Variants in ACBD6 observed in about 807,000 individuals in gnomAD.
ACBD6 encodes acyl-CoA binding domain containing 6.
Under a neutral mutation model 37.2 loss-of-function variants are expected in ACBD6, and 28 were observed. That is an observed-to-expected ratio of 0.75 (90% CI 0.56 to 1.03). The LOEUF is 1.03. Ranked by LOEUF, ACBD6 falls within the 50% of genes least tolerant of loss-of-function variation. The probability of loss-of-function intolerance (pLI) is 0.00; values close to 1 mark genes in which losing one functional copy is unlikely to be tolerated. For missense variants in ACBD6, 340 were observed against 337.4 expected (o/e 1.01, Z -0.06); for synonymous variants, 113 against 126.8 (o/e 0.89, Z 0.73).
At chr1:180,376,797 C>T (rs1201573662) in intron 6 of ACBD6, among the ~76,000 whole-genome samples, 1 of 152,090 alleles carries the variant, frequency 6.6e-6, no homozygotes, top group African/African-American at 2.4e-5. Context: ...ATTTATACGC[C>T]TCTGATGCTC....
Position 180,356,024 on chromosome 1 carries a change from C to T in ACBD6, c.664-41302G>A, listed in dbSNP as rs56381226. On this transcript the variant is annotated intron_variant, in intron 6 of 7. Transcript: ENST00000367595. The stretch of plus-strand genomic sequence containing the variant: ...CTGGGACTACAGGCACACGCCACCA[C>T]GCCCGGCTAATTTTTTTTTTGTATT... Among the ~76,000 whole-genome samples the T allele has an allele frequency of 2.3e-3, 284 of 124,304 alleles. 2 individuals are homozygous for T. Among genetic ancestry groups the T allele is most frequent in the African/African-American group, 7.0e-3 (279 of 39,690 alleles). The allele number at this position is 124,304 out of a possible 152,430, so 81.5% of individuals were successfully genotyped here.
At chr1:180,288,557 A>G (rs2254465) in intron 7 of ACBD6, 40 bp from the exon 8 acceptor site, 3 of 1,590,264 alleles carry the variant, frequency 1.9e-6, no homozygotes, top group African/African-American at 2.7e-5. Context: ...AAGTTTACCA[A>G]GAGACAGAGA....
intron 3 of ACBD6, among the ~76,000 whole-genome samples, chr1:180,449,048 T>C (rs888550307): frequency 1.3e-5 from 2 of 152,186 alleles, no homozygotes; most frequent in Admixed American, 6.5e-5. Context: ...TGAATAGGAA[T>C]ACACAAATAA....
intron 1 of ACBD6, among the ~76,000 whole-genome samples, chr1:180,499,711 C>A (rs564576556): frequency 2.8e-4 from 43 of 152,176 alleles, no homozygotes; most frequent in Middle Eastern, 3.4e-3. Context: ...GTTAAATAAT[C>A]AAAAGTTTCA....
At chr1:180,450,513 C>CT (rs1256595950) in intron 3 of ACBD6, among the ~76,000 whole-genome samples, 1 of 152,176 alleles carries the variant, frequency 6.6e-6, no homozygotes, top group Non-Finnish European at 1.5e-5. Flanking sequence ...AATCCCAGCA[C>CT]TTTGGGAGGC....
chr1:180,314,436 G>C (rs550219098), intron 7 of ACBD6, among the ~76,000 whole-genome samples: 26 of 152,214 alleles, frequency 1.7e-4, no homozygotes, highest in African/African-American at 5.3e-4. Context: ...GTAGAGACAG[G>C]GTTTCAGCAT....
At chr1:180,397,909 T>C (rs1434866409) in intron 5 of ACBD6, among the ~76,000 whole-genome samples, 2 of 151,938 alleles carry the variant, frequency 1.3e-5, no homozygotes, top group African/African-American at 2.4e-5. Flanking sequence ...AAAAATTAGC[T>C]GGGCATGGTG....
At chr1:180,332,059 A>G (rs180755865) in intron 6 of ACBD6, among the ~76,000 whole-genome samples, 95 of 152,340 alleles carry the variant, frequency 6.2e-4, no homozygotes, top group Non-Finnish European at 7.5e-4. Context: ...CCTTATTTGG[A>G]AACACACAAG....
intron 5 of ACBD6, among the ~76,000 whole-genome samples, chr1:180,411,438 T>C (rs527663025): frequency 2.4e-4 from 37 of 152,252 alleles, no homozygotes; most frequent in African/African-American, 8.2e-4. Context: ...ACTTAAGACA[T>C]TGCCACAGCC....
intron 6 of ACBD6, among the ~76,000 whole-genome samples, chr1:180,349,574 A>C (rs1227879059): frequency 4.3e-5 from 1 of 23,514 alleles, no homozygotes; most frequent in Non-Finnish European, 1.0e-4. Flanking sequence ...CTTTAGTATA[A>C]AAAAATAAAT....
At chr1:180,471,965 C>T (rs571362296) in intron 3 of ACBD6, among the ~76,000 whole-genome samples, 1 of 152,268 alleles carries the variant, frequency 6.6e-6, no homozygotes, top group East Asian at 1.9e-4. Context: ...CAATGAGTTT[C>T]CTCAAAAATC....
chr1:180,295,999 A>C (rs1023713964), intron 7 of ACBD6, among the ~76,000 whole-genome samples: 1 of 152,224 alleles, frequency 6.6e-6, no homozygotes, highest in Admixed American at 6.5e-5. Flanking sequence ...CATAGGACAA[A>C]AGCTAGGCTT....
chr1:180,359,485 G>A (rs1018244009), intron 6 of ACBD6, among the ~76,000 whole-genome samples: 1 of 151,960 alleles, frequency 6.6e-6, no homozygotes, highest in African/African-American at 2.4e-5. Flanking sequence ...AAAGTGTCAC[G>A]CAAATATAAG....
At chr1:180,407,476 A>G (rs1365689074) in intron 5 of ACBD6, among the ~76,000 whole-genome samples, 1 of 152,182 alleles carries the variant, frequency 6.6e-6, no homozygotes, top group Non-Finnish European at 1.5e-5. Flanking sequence ...TTCCACCCCT[A>G]TCACTGTTGT....
intron 4 of ACBD6, among the ~76,000 whole-genome samples, chr1:180,419,572 A>G (rs908638398): frequency 6.6e-6 from 1 of 152,220 alleles, no homozygotes; most frequent in Non-Finnish European, 1.5e-5. Flanking sequence ...GACCCCCTGC[A>G]TAGTCAAAAA....
intron 6 of ACBD6, among the ~76,000 whole-genome samples, chr1:180,345,647 A>G (rs1367576639): frequency 6.6e-6 from 1 of 152,216 alleles, no homozygotes; most frequent in Admixed American, 6.5e-5. Context: ...ATTACGCAGC[A>G]ATTTCAAATG....
chr1:180,274,019 T>C (rs1648860633), exon 11 of ACBD6: 1 of 765,948 alleles, frequency 1.3e-6, no homozygotes, highest in Admixed American at 2.4e-5. Flanking sequence ...TGGGTTGGCC[T>C]CTGGATATCA....
intron 3 of ACBD6, among the ~76,000 whole-genome samples, chr1:180,454,035 A>C (rs1196908575): frequency 1.3e-5 from 2 of 152,222 alleles, no homozygotes; most frequent in African/African-American, 4.8e-5. Context: ...CTTAAATTTC[A>C]TATGGAACCA....
chr1:180,390,835 A>T (rs975354109), intron 6 of ACBD6, among the ~76,000 whole-genome samples: 2 of 152,150 alleles, frequency 1.3e-5, no homozygotes, highest in Non-Finnish European at 2.9e-5. Context: ...GAACACACTG[A>T]TCCTAAAATT....
Sources: allele counts gnomAD v4.1 joint callset (sites outside exome capture counted in the v4.1 genomes callset), GRCh38; gene constraint gnomAD v4.1.1; transcripts MANE v1.5; gene names NCBI Gene and HGNC (gene_info 2026-07-23, HGNC 2026-07-21).